Variants in GSK3B observed in about 807,000 individuals in gnomAD.
The protein encoded by GSK3B is glycogen synthase kinase 3 beta, also known as glycogen synthase kinase-3 beta.
Under a neutral mutation model 56.4 loss-of-function variants are expected in GSK3B, and 15 were observed. That is an observed-to-expected ratio of 0.27 (90% CI 0.18 to 0.41). GSK3B has a LOEUF of 0.41. Ranked by LOEUF, GSK3B falls within the 10% of genes least tolerant of loss-of-function variation. The probability of loss-of-function intolerance (pLI) is 1.00; values close to 1 mark genes in which losing one functional copy is unlikely to be tolerated. For synonymous variants in GSK3B, 181 were observed against 188.9 expected (o/e 0.96, Z 0.34); for missense variants, 300 against 513.4 (o/e 0.58, Z 4.02).
intron 7 of GSK3B, among the ~76,000 whole-genome samples, chr3:119,878,485 C>A (rs2056340109): frequency 6.6e-6 from 1 of 152,138 alleles, no homozygotes; most frequent in Non-Finnish European, 1.5e-5. Flanking sequence ...TGTACAGCAA[C>A]TGAAGCTCTC....
intron 2 of GSK3B, among the ~76,000 whole-genome samples, chr3:119,961,495 G>A (rs921552464): frequency 1.3e-5 from 2 of 151,892 alleles, no homozygotes; most frequent in African/African-American, 2.4e-5. Flanking sequence ...AGGGGTGGTG[G>A]CACACACCTA....
At chr3:119,969,034 G>A (rs776905763) in intron 2 of GSK3B, among the ~76,000 whole-genome samples, 54 of 152,306 alleles carry the variant, frequency 3.5e-4, no homozygotes, top group South Asian at 1.2e-3. Context: ...GCTCATGCCT[G>A]TAATCCCAGC....
At position 119,821,992 on chromosome 3, in the gene GSK3B, T is replaced by C. The variant is rs1216827981; in HGVS notation, c.*4796A>G. Reference sequence around the variant, plus strand: ...CCAGGCTAACCTACTTTTTATTTAATGCAAATTACAGTACCAGTTAACTAT... The same window carrying C: ...CCAGGCTAACCTACTTTTTATTTAACGCAAATTACAGTACCAGTTAACTAT... On this transcript the variant is annotated 3_prime_UTR_variant, in exon 11 of 11. Transcript: ENST00000264235. 1 of 188,758 alleles carries C rather than the reference T, an allele frequency of 5.3e-6. No individual in the cohort carries two copies. The highest frequency in any genetic ancestry group is 1.1e-5 in the Non-Finnish European group (1 of 89,934). 11.7% of individuals were successfully genotyped at this position (188,758 alleles called of 1,614,324 possible).
chr3:119,874,029 A>C (rs1325590412), intron 8 of GSK3B, among the ~76,000 whole-genome samples: 1 of 152,186 alleles, frequency 6.6e-6, no homozygotes, highest in African/African-American at 2.4e-5. Context: ...ATAAGATATA[A>C]AAACATCAAG....
At chr3:119,845,733 GC>G (rs1279621864) in intron 9 of GSK3B, among the ~76,000 whole-genome samples, 2 of 152,142 alleles carry the variant, frequency 1.3e-5, no homozygotes, top group Non-Finnish European at 2.9e-5. Flanking sequence ...TGGCCATACT[GC>G]CCAAAGTAAT....
intron 10 of GSK3B, among the ~76,000 whole-genome samples, chr3:119,836,917 T>C (rs892159806): frequency 6.6e-6 from 1 of 152,202 alleles, no homozygotes; most frequent in Non-Finnish European, 1.5e-5. Context: ...AAAACTGACA[T>C]GTTTGTGAAA....
Position 120,017,481 on chromosome 3 carries a change from T to C in GSK3B, c.89-15242A>G, listed in dbSNP as rs190535169. Among the ~76,000 whole-genome samples the C allele has an allele frequency of 4.5e-4, 69 of 152,298 alleles. 1 individual carries two copies. Among genetic ancestry groups the C allele is most frequent in the Non-Finnish European group, 2.9e-5 (2 of 68,024 alleles). On this transcript the variant is annotated intron_variant, in intron 1 of 10. Coordinates refer to ENST00000264235, the MANE Select transcript of GSK3B (RefSeq NM_001146156.2). ...ATTCTGACAACCCAAATGCCCCCAA[T>C]ATAACAGCTTATCCAACCCTGCCCT... is the stretch of plus-strand genomic sequence containing the variant.
chr3:120,032,527 T>G (rs2057986422), intron 1 of GSK3B, among the ~76,000 whole-genome samples: 1 of 151,912 alleles, frequency 6.6e-6, no homozygotes, highest in African/African-American at 2.4e-5. Flanking sequence ...AAAGTGGCTC[T>G]TATAAGGCGG....
In GSK3B at chr3:119,936,787, A is replaced by C. The variant is rs577240625; in HGVS notation, c.366+10481T>G. ...AGAAGGGAGAAATGGGCAGCTGTAC[A>C]ATAGTTGGAGACTTCAATATACCAC... On this transcript the variant is annotated intron_variant, in intron 3 of 10. Transcript: ENST00000264235. 1.3e-5 allele frequency among the ~76,000 whole-genome samples: 2 copies of C among 152,156 alleles called. 1 individual carries two copies. Among genetic ancestry groups the C allele is most frequent in the African/African-American group, 4.8e-5 (2 of 41,424 alleles).
intron 1 of GSK3B, among the ~76,000 whole-genome samples, chr3:120,015,314 A>G (rs1205313756): frequency 6.6e-6 from 1 of 152,172 alleles, no homozygotes; most frequent in Non-Finnish European, 1.5e-5. Flanking sequence ...AATGCCCTAT[A>G]ATTAAAAGTC....
In GSK3B at chr3:120,094,393, C is replaced by T; in HGVS notation, c.-959G>A. ...CTTTGTCACTTGGCCCGGGCGGCGG[C>T]GGCGGCGGCGGCGGCACAAGCCCGC... is the stretch of plus-strand genomic sequence containing the variant. On this transcript the variant is annotated 5_prime_UTR_variant, in exon 1 of 11. Transcript: ENST00000264235. 6.5e-6 allele frequency: 2 copies of T among 308,260 alleles called. No homozygotes were observed. The highest frequency in any genetic ancestry group is 1.2e-5 in the Non-Finnish European group (2 of 167,234). The allele number at this position is 308,260 out of a possible 1,614,324, so 19.1% of individuals were successfully genotyped here. A position where few individuals can be genotyped will look rare whatever the true frequency, so the allele number is the denominator to read the frequency against.
chr3:119,971,074 C>T (rs1460228527), intron 2 of GSK3B, among the ~76,000 whole-genome samples: 2 of 152,140 alleles, frequency 1.3e-5, no homozygotes, highest in Non-Finnish European at 2.9e-5. Flanking sequence ...CCATGATATA[C>T]TGACTTCTCA....
intron 10 of GSK3B, among the ~76,000 whole-genome samples, chr3:119,838,773 T>C (rs998448202): frequency 1.3e-5 from 2 of 152,256 alleles, no homozygotes; most frequent in Non-Finnish European, 2.9e-5. Context: ...ATATATATTA[T>C]GTGATTCCCC....
intron 5 of GSK3B, among the ~76,000 whole-genome samples, chr3:119,915,615 T>TA (rs1480235813): frequency 1.3e-5 from 2 of 152,058 alleles, no homozygotes; most frequent in Admixed American, 6.6e-5. Context: ...ACAATACATA[T>TA]ACTCTTGATC....
intron 4 of GSK3B, among the ~76,000 whole-genome samples, chr3:119,916,382 T>C (rs1447365557): frequency 1.3e-5 from 2 of 152,202 alleles, no homozygotes; most frequent in African/African-American, 2.4e-5. Context: ...ATTAACCATA[T>C]GTACTATTCG....
chr3:119,841,203 C>A (rs573785089), intron 10 of GSK3B, among the ~76,000 whole-genome samples: 1 of 152,268 alleles, frequency 6.6e-6, no homozygotes, highest in South Asian at 2.1e-4. Flanking sequence ...AAAATATACA[C>A]ATGTAAATTA....
rs1289744832 is a variant in GSK3B at position 119,912,761 on chromosome 3, G to A, written c.658C>T (p.Arg220Trp). The A allele has an allele frequency of 1.2e-6, 2 of 1,602,502 alleles. No individual in the cohort carries two copies. The highest frequency in any genetic ancestry group is 8.5e-7 in the Non-Finnish European group (1 of 1,171,150). The change falls in exon 6 of 11, where the codon CGG becomes TGG. Residue 220 changes from arginine to tryptophan, a missense_variant. Physicochemically the swap from Arg to Trp is moderately radical, Grantham distance 101. Transcript: ENST00000264235. Reference sequence around the variant, plus strand: ...ATCAACTCTGGTGCCCTATAGTACCGAGAACAGATATACGAAACATTGGGT... The same window carrying A: ...ATCAACTCTGGTGCCCTATAGTACCAAGAACAGATATACGAAACATTGGGT... ...GEPNVSYICS[R>W]YYRAPELIFG...
intron 2 of GSK3B, among the ~76,000 whole-genome samples, chr3:119,991,685 T>A (rs1028225222): frequency 1.3e-5 from 2 of 152,108 alleles, no homozygotes; most frequent in Non-Finnish European, 2.9e-5. Context: ...TACAGACTTT[T>A]AAGTTGTCAG....
chr3:119,931,770 A>C (rs1334317499), intron 3 of GSK3B, among the ~76,000 whole-genome samples: 1 of 152,238 alleles, frequency 6.6e-6, no homozygotes, highest in African/African-American at 2.4e-5. Flanking sequence ...CTGGCAAAAG[A>C]GTCAATGCCA....
Sources: allele counts gnomAD v4.1 joint callset (sites outside exome capture counted in the v4.1 genomes callset), GRCh38; gene constraint gnomAD v4.1.1; transcripts MANE v1.5; gene names NCBI Gene and HGNC (gene_info 2026-07-23, HGNC 2026-07-21).